Variants in MLLT6 observed in about 807,000 individuals in gnomAD.
MLLT6 encodes the protein protein AF-17.
In MLLT6, 22 loss-of-function variants were observed where a neutral mutation model predicts 103.0. The observed-to-expected ratio is 0.21, with a 90% CI of 0.15 to 0.31. The LOEUF is 0.31. Ranked by LOEUF, MLLT6 falls within the 10% of genes least tolerant of loss-of-function variation. The probability of loss-of-function intolerance (pLI) is 1.00; values close to 1 mark genes in which losing one functional copy is unlikely to be tolerated. For synonymous variants in MLLT6, 606 were observed against 623.5 expected, an observed-to-expected ratio of 0.97 and a Z score of 0.42; for missense variants, 1,199 against 1,441.7, an observed-to-expected ratio of 0.83 and a Z score of 2.73.
In MLLT6 at chr17:38,716,025, C is replaced by A. The variant is rs1597995072; in HGVS notation, c.1036+197C>A. 1.9e-5 allele frequency: 12 copies of A among 623,786 alleles called. No individual in the cohort carries two copies. The East Asian group carries it at 2.7e-4, about 14-fold the overall frequency. The allele number at this position is 623,786 out of a possible 1,614,324, so 38.6% of individuals were successfully genotyped here. On this transcript the variant is annotated intron_variant, in intron 9 of 19. Coordinates refer to ENST00000621332, the MANE Select transcript of MLLT6 (RefSeq NM_005937.4). This position sits in a 1 kb window ranked among gnomAD's most constrained non-coding sequence, Gnocchi z 5.6. ...TGAACCAGAACTCTCCTCTCCCCTTCAGGGGCCACCCCACCAACCTCATAA... is the reference window on the plus strand; with the variant it reads ...TGAACCAGAACTCTCCTCTCCCCTTAAGGGGCCACCCCACCAACCTCATAA...
chr17:38,722,011 C>G lies in MLLT6; in HGVS notation c.2576C>G (p.Pro859Arg), dbSNP rs756140181. ...CTGCCTGGGGCCCCTGCCCCACTCC[C>G]GCCCCAGCCGCAGAACGGGTTGGGC... ...LALPGAPAPL[P>R]PQPQNGLGRA... Residue 859 changes from proline (P) to arginine (R), a missense_variant, in exon 17 of 20, where the codon CCG becomes CGG. This residue lies in a region of MLLT6 where 1,034 missense variants were observed against 1,091.5 expected (regional missense o/e 0.95). Coordinates refer to ENST00000621332, the MANE Select transcript of MLLT6 (RefSeq NM_005937.4). 2.0e-6 allele frequency: 3 copies of G among 1,479,934 alleles called. No individual in the cohort carries two copies. In the Admixed American group the frequency reaches 6.6e-5, roughly 32 times the overall value. 91.7% of individuals were successfully genotyped at this position (1,479,934 alleles called of 1,614,324 possible). A position where few individuals can be genotyped will look rare whatever the true frequency, so the allele number is the denominator to read the frequency against.
In MLLT6 at chr17:38,729,101, G is replaced by A. The variant is rs570644601; in HGVS notation, c.*3503G>A. The stretch of plus-strand genomic sequence containing the variant: ...GGAGCCCAAGCCAGGGGCCAGCTCC[G>A]AGAAAGGGTAACCTCCACGCTTCTC... On this transcript the variant is annotated 3_prime_UTR_variant, in exon 20 of 20. Coordinates refer to ENST00000621332, the MANE Select transcript of MLLT6 (RefSeq NM_005937.4). 10 of 233,300 alleles carry A rather than the reference G, an allele frequency of 4.3e-5. No homozygotes were observed. The highest frequency in any genetic ancestry group is 2.0e-4 in the African/African-American group (9 of 45,444). 14.5% of individuals were successfully genotyped at this position (233,300 alleles called of 1,614,324 possible).
rs1382498746 is a variant in MLLT6, at chr17:38,719,790, G to A, written c.2050G>A (p.Ala684Thr). Residue 684 changes from alanine (A) to threonine (T), a missense_variant, in exon 14 of 20, where the codon GCC (alanine) becomes ACC (threonine). By Grantham distance (58) the Ala-to-Thr change is moderately conservative (BLOSUM62 0). Around this residue, in one of 7 missense-constraint regions of MLLT6, gnomAD observed 1,034 missense variants for 1,091.5 expected, o/e 0.95. Transcript: ENST00000621332. ...CCTCCCCGCACTCTTCGACCAGACA[G>A]CCTCTGCACCCTGTGGGGGCGGCCA... is the stretch of plus-strand genomic sequence containing the variant. ...SSLPALFDQTASAPCGGGQLD... is the reference protein window; with the variant it reads ...SSLPALFDQTTSAPCGGGQLD... The A allele has an allele frequency of 6.2e-7, 1 of 1,613,482 alleles. No individual in the cohort carries two copies. The highest frequency in any genetic ancestry group is 8.5e-7 in the Non-Finnish European group (1 of 1,179,848).
chr17:38,709,657 G>A lies in MLLT6; in HGVS notation c.552+82G>A. 1 of 1,071,722 alleles carries A rather than the reference G, an allele frequency of 9.3e-7. No individual in the cohort carries two copies. Among genetic ancestry groups the A allele is most frequent in the South Asian group, 1.3e-5 (1 of 78,948 alleles). 66.4% of individuals were successfully genotyped at this position (1,071,722 alleles called of 1,614,324 possible). ...AGGGCATGGGCTCTGGGCCAGGCCA[G>A]TGCCTGGTGCTAGGAGGACAGAGAG... On this transcript the variant is annotated intron_variant, in intron 6 of 19. Coordinates refer to ENST00000621332, the MANE Select transcript of MLLT6 (RefSeq NM_005937.4). This position sits in a 1 kb window ranked among gnomAD's most constrained non-coding sequence, Gnocchi z 4.3.
chr17:38,715,210 T>G, intron 8 of MLLT6: 1 of 170,042 alleles, frequency 5.9e-6, no homozygotes, highest in South Asian at 1.6e-4. Flanking sequence ...CCCATTCTCC[T>G]GTGGGTCCTC....
At chr17:38,713,312 G>A in intron 8 of MLLT6, 1 of 404,070 alleles carries the variant, frequency 2.5e-6, no homozygotes. Context: ...GGCATGGTAT[G>A]TCAGGCCTGT....
At chr17:38,707,050 C>A in intron 2 of MLLT6, 21 bp downstream of exon 2, 1 of 1,596,860 alleles carries the variant, frequency 6.3e-7, no homozygotes, top group Non-Finnish European at 8.6e-7. Context: ...GACTGCCCCT[C>A]TCCACTCCCC....
At position 38,705,437 on chromosome 17, in the gene MLLT6, A is replaced by C; in HGVS notation, c.-196A>C. On this transcript the variant is annotated 5_prime_UTR_variant, in exon 1 of 20. Coordinates refer to ENST00000621332, the MANE Select transcript of MLLT6 (RefSeq NM_005937.4). The stretch of plus-strand genomic sequence containing the variant: ...AGAGCACGGCGGGGGGGGCGGCCAG[A>C]CAGAGCGAGCGAGGAGGAGGAGGAG... 2.5e-6 allele frequency: 1 copy of C among 397,918 alleles called. No homozygotes were observed. Among genetic ancestry groups the C allele is most frequent in the East Asian group, 4.4e-5 (1 of 22,888 alleles). The allele number at this position is 397,918 out of a possible 1,614,324, so 24.6% of individuals were successfully genotyped here.
At chr17:38,707,152 C>T in intron 2 of MLLT6, 123 bp downstream of exon 2, 1 of 758,356 alleles carries the variant, frequency 1.3e-6, no homozygotes, top group Non-Finnish European at 2.1e-6. Context: ...CACAGACTTC[C>T]TGTTTCCTGC....
rs766999217 is a variant in MLLT6, at chr17:38,709,307, C to T, written c.458+31C>T. On this transcript the variant is annotated intron_variant, in intron 5 of 19. Coordinates refer to ENST00000621332, the MANE Select transcript of MLLT6 (RefSeq NM_005937.4). This position sits in a 1 kb window ranked among gnomAD's most constrained non-coding sequence, Gnocchi z 4.3. ...ACCCCTGTCCCACCCCCCTGCCCCC[C>T]GGGTTTGTCCTGGATGGCCACTGAT... 4.2e-5 allele frequency: 67 copies of T among 1,578,940 alleles called. No individual in the cohort carries two copies. The highest frequency in any genetic ancestry group is 6.7e-5 in the African/African-American group (5 of 74,224).
intron 12 of MLLT6, chr17:38,719,022 G>A (rs1371184164): frequency 5.4e-6 from 1 of 186,658 alleles, no homozygotes; most frequent in Non-Finnish European, 1.1e-5. Flanking sequence ...AATGTAAAAA[G>A]TCATACAGAG....
At chr17:38,706,083 T>G (rs1904909577) in intron 1 of MLLT6, 1 of 155,258 alleles carries the variant, frequency 6.4e-6, no homozygotes, top group Non-Finnish European at 1.4e-5. Context: ...GCCCGGTTAT[T>G]TTGGTCCCGG....
intron 3 of MLLT6, 85 bp downstream of exon 3, chr17:38,707,625 C>A: frequency 1.4e-6 from 2 of 1,444,270 alleles, no homozygotes; most frequent in African/African-American, 1.4e-5. Flanking sequence ...GGGGTGGAGG[C>A]CGGGTTTCCT....
intron 19 of MLLT6, 196 bp downstream of exon 19, chr17:38,725,172 G>A: frequency 1.8e-6 from 1 of 555,246 alleles, no homozygotes; most frequent in Non-Finnish European, 3.2e-6. Flanking sequence ...GATCCGATCT[G>A]AGCATGGGCT....
chr17:38,709,433 C>T lies in MLLT6; in HGVS notation c.459-49C>T. 6.5e-7 allele frequency: 1 copy of T among 1,534,102 alleles called. No homozygotes were observed. Among genetic ancestry groups the T allele is most frequent in the Non-Finnish European group, 9.0e-7 (1 of 1,107,148 alleles). Reference sequence around the variant, plus strand: ...GGCCAGGAGGGTGAGAGGAAGGTGGCTCATGTGATCTGTGGCCTCAGCCGT... The same window carrying T: ...GGCCAGGAGGGTGAGAGGAAGGTGGTTCATGTGATCTGTGGCCTCAGCCGT... On this transcript the variant is annotated intron_variant, in intron 5 of 19. Transcript: ENST00000621332. This position sits in a 1 kb window ranked among gnomAD's most constrained non-coding sequence, Gnocchi z 4.3.
Position 38,729,465 on chromosome 17 carries a change from A to G in MLLT6, c.*3867A>G. 8.6e-6 allele frequency: 2 copies of G among 233,536 alleles called. No homozygotes were observed. The highest frequency in any genetic ancestry group is 2.2e-5 in the African/African-American group (1 of 45,420). 14.5% of individuals were successfully genotyped at this position (233,536 alleles called of 1,614,324 possible). On this transcript the variant is annotated 3_prime_UTR_variant, in exon 20 of 20. Transcript: ENST00000621332. ...CCCTTTGTTCACTTTCTCCAGCTCAACTTGGGACTTGGGTGGTGGGACTGG... is the reference window on the plus strand; with the variant it reads ...CCCTTTGTTCACTTTCTCCAGCTCAGCTTGGGACTTGGGTGGTGGGACTGG...
chr17:38,715,884 C>A, intron 9 of MLLT6, 56 bp downstream of exon 9: 1 of 1,460,130 alleles, frequency 6.8e-7, no homozygotes, highest in Non-Finnish European at 9.3e-7. Flanking sequence ...TTGTCCTGAG[C>A]TTTTCTGGCA....
Position 38,722,071 on chromosome 17 carries a change from C to T in MLLT6, c.2636C>T (p.Pro879Leu). 2 of 1,383,020 alleles carry T rather than the reference C, an allele frequency of 1.4e-6. No homozygotes were observed. The highest frequency in any genetic ancestry group is 1.9e-6 in the Non-Finnish European group (2 of 1,073,086). The allele number at this position is 1,383,020 out of a possible 1,614,324, so 85.7% of individuals were successfully genotyped here. A position where few individuals can be genotyped will look rare whatever the true frequency, so the allele number is the denominator to read the frequency against. The change falls in exon 17 of 20, where the codon CCC (proline) becomes CTC (leucine). Residue 879 changes from proline (P) to leucine (L), a missense_variant. By Grantham distance (98) the Pro-to-Leu change is moderately conservative. Around this residue, in one of 7 missense-constraint regions of MLLT6, gnomAD observed 1,034 missense variants for 1,091.5 expected, o/e 0.95. Transcript: ENST00000621332. ...GGGGCAGCGGGGCTGGGGGCCATGC[C>T]CATGGCTGAGGGGCTGTTGGGGGGG... is the stretch of plus-strand genomic sequence containing the variant. ...APGAAGLGAM[P>L]MAEGLLGGLA...
At chr17:38,712,151 G>A (rs533539002) in intron 7 of MLLT6, 137 bp downstream of exon 7, 2 of 1,378,738 alleles carry the variant, frequency 1.5e-6, no homozygotes, top group African/African-American at 3.0e-5. Flanking sequence ...ACTGAGGGCA[G>A]GAGGGGGCTG....
Sources: gnomAD v4.1 joint callset for allele counts on GRCh38, gnomAD v4.1.1 for gene constraint, gnomAD v4.1.1 regional missense constraint, Gnocchi (gnomAD v3.1) non-coding constraint, MANE v1.5 for transcripts, NCBI Gene and HGNC (gene_info 2026-07-23, HGNC 2026-07-21) for gene names.